The following TBC1D31 variants were observed in gnomAD, a reference collection of about 807,000 sequenced individuals.
The protein encoded by TBC1D31 is TBC1 domain family member 31, also known as WD repeat domain 67.
Under a neutral mutation model 132.9 loss-of-function variants are expected in TBC1D31, and 99 were observed. The ratio of observed to expected loss-of-function variants is 0.74; its 90% CI spans 0.63 to 0.88. TBC1D31 has a LOEUF of 0.88. TBC1D31 is among the 40% of genes least tolerant of loss of function. The pLI is 0.00. For synonymous variants in TBC1D31, 385 were observed against 419.4 expected (o/e 0.92, Z 1.00); for missense variants, 1,134 against 1,256.6 (o/e 0.90, Z 1.48).
the TBC1D31 span, among the ~76,000 whole-genome samples, chr8:123,163,929 C>T: frequency 6.6e-6 from 1 of 152,224 alleles, no homozygotes; most frequent in Non-Finnish European, 1.5e-5. Context: ...TCACCCCAGA[C>T]AGAAACTCTG....
chr8:123,073,128 T>A (rs866667228), intron 1 of TBC1D31: 3 of 537,676 alleles, frequency 5.6e-6, no homozygotes, highest in Admixed American at 2.8e-5. Context: ...ACCGGGACTC[T>A]CCTGCTTTTA....
chr8:123,087,106 A>G (rs1217453970), intron 4 of TBC1D31, among the ~76,000 whole-genome samples: 5 of 152,196 alleles, frequency 3.3e-5, no homozygotes, highest in Admixed American at 3.3e-4. Flanking sequence ...TTTCCTCTTC[A>G]AAGCTTTCTG....
chr8:123,087,498 G>A lies in TBC1D31; in HGVS notation c.519+3158G>A, dbSNP rs975581240. Among the ~76,000 whole-genome samples, 6 of 152,252 alleles carry A rather than the reference G, an allele frequency of 3.9e-5. No individual in the cohort carries two copies. In the South Asian group the frequency reaches 1.0e-3, roughly 26 times the overall value. On this transcript the variant is annotated intron_variant, in intron 4 of 21. Transcript: ENST00000287380. ...AAAGTTGTGCCAGCTTATTCATTAGGGATTTAAGCCAAATGTCTTTTCTTC... is the reference window on the plus strand; with the variant it reads ...AAAGTTGTGCCAGCTTATTCATTAGAGATTTAAGCCAAATGTCTTTTCTTC...
intron 4 of TBC1D31, among the ~76,000 whole-genome samples, chr8:123,087,605 T>C (rs889689652): frequency 6.6e-6 from 1 of 152,236 alleles, no homozygotes; most frequent in Non-Finnish European, 1.5e-5. Flanking sequence ...GAAGAGAACA[T>C]TGGGAGTTGA....
At chr8:123,152,743 T>C (rs1814912), downstream of TBC1D31, among the ~76,000 whole-genome samples, 60,900 of 151,822 alleles carry the variant, frequency 0.4, 12,948 homozygotes, top group African/African-American at 0.54. Context: ...TGGTGGCACA[T>C]GCCTGTAATC....
chr8:123,159,410 C>A, the TBC1D31 span, among the ~76,000 whole-genome samples: 1 of 151,980 alleles, frequency 6.6e-6, no homozygotes, highest in Admixed American at 6.6e-5. Flanking sequence ...ATGAAATGAG[C>A]GAAGAACACA....
At chr8:123,087,715 C>T (rs1815907822) in intron 4 of TBC1D31, among the ~76,000 whole-genome samples, 1 of 152,142 alleles carries the variant, frequency 6.6e-6, no homozygotes, top group African/African-American at 2.4e-5. Flanking sequence ...GAATAGTTGC[C>T]AACGCAAACC....
rs546238844 is a variant in TBC1D31 at position 123,132,560 on chromosome 8, C to T, written c.2407-1554C>T. 2.1e-3 allele frequency among the ~76,000 whole-genome samples: 318 copies of T among 151,624 alleles called. 2 individuals are homozygous for T. The highest frequency in any genetic ancestry group is 3.5e-3 in the Non-Finnish European group (239 of 67,846). On this transcript the variant is annotated intron_variant, in intron 16 of 21. Transcript: ENST00000287380. ...TCCTGAGCAGATGGGATTACAGGTG[C>T]CTGCCACAACACCCATCTAATTTTT...
At chr8:123,080,529 C>CTTTTTT (rs57694076) in intron 2 of TBC1D31, among the ~76,000 whole-genome samples, 1 of 76,320 alleles carries the variant, frequency 1.3e-5, no homozygotes, top group Non-Finnish European at 2.3e-5. Flanking sequence ...TTCTTTTATT[C>CTTTTTT]TTTTTTTTTT....
At chr8:123,158,478 A>G in the TBC1D31 span, among the ~76,000 whole-genome samples, 1 of 152,034 alleles carries the variant, frequency 6.6e-6, no homozygotes, top group Non-Finnish European at 1.5e-5. Context: ...CCTCCCAGGG[A>G]AAGGACGAGT....
intron 4 of TBC1D31, among the ~76,000 whole-genome samples, chr8:123,087,294 T>C (rs982749522): frequency 6.6e-6 from 1 of 152,214 alleles, no homozygotes; most frequent in African/African-American, 2.4e-5. Flanking sequence ...CAGGAGTATC[T>C]GAGTCTCTTG....
At chr8:123,120,722 G>C (rs1819394668) in intron 11 of TBC1D31, among the ~76,000 whole-genome samples, 1 of 151,882 alleles carries the variant, frequency 6.6e-6, no homozygotes, top group Non-Finnish European at 1.5e-5. Flanking sequence ...GCATAATATA[G>C]TATTTCATCT....
intron 4 of TBC1D31, among the ~76,000 whole-genome samples, chr8:123,085,330 T>G (rs1169732633): frequency 6.6e-6 from 1 of 152,232 alleles, no homozygotes; most frequent in Non-Finnish European, 1.5e-5. Context: ...TGACCACCAC[T>G]CTTACGTTTT....
intron 4 of TBC1D31, 61 bp downstream of exon 4, chr8:123,084,401 G>T: frequency 1.4e-6 from 2 of 1,449,900 alleles, no homozygotes; most frequent in Non-Finnish European, 1.9e-6. Flanking sequence ...TGGTCAACAG[G>T]ATGTATAGAT....
chr8:123,077,885 C>T (rs1586542039), intron 2 of TBC1D31, among the ~76,000 whole-genome samples: 1 of 152,026 alleles, frequency 6.6e-6, no homozygotes, highest in East Asian at 1.9e-4. Context: ...ACTGTCTCTA[C>T]TAAAATACAA....
At chr8:123,111,176 A>G (rs751882022) in intron 10 of TBC1D31, among the ~76,000 whole-genome samples, 8 of 152,054 alleles carry the variant, frequency 5.3e-5, no homozygotes, top group Non-Finnish European at 1.2e-4. Context: ...TAGGCGGATT[A>G]TAATTAATAC....
chr8:123,077,002 C>G (rs1278549373), intron 1 of TBC1D31, 109 bp from the exon 2 acceptor site: 2 of 1,029,210 alleles, frequency 1.9e-6, no homozygotes, highest in African/African-American at 3.3e-5. Flanking sequence ...ATAGCGGTAG[C>G]AGTAGGAGAG....
chr8:123,102,906 A>G (rs10956118), intron 7 of TBC1D31: 30,003 of 152,286 alleles, frequency 0.2, 3,005 homozygotes, highest in African/African-American at 0.23. Flanking sequence ...TTCTAAATAC[A>G]GGAAGGCTGT....
In TBC1D31 at chr8:123,128,395, G is replaced by A. The variant is rs1209284292; in HGVS notation, c.1999G>A (p.Val667Ile). The change falls in exon 14 of 22, where the codon GTT becomes ATT. Residue 667 changes from valine (V) to isoleucine (I), a missense_variant. Transcript: ENST00000287380. ...IHPDSMLNVF[V>I]ALTKGQYPVF... ...TCCAGACAGCATGCTTAATGTTTTT[G>A]TTGCACTGACAAAAGGGCAGTATCC... The A allele has an allele frequency of 1.2e-6, 2 of 1,613,360 alleles. No individual in the cohort carries two copies. The highest frequency in any genetic ancestry group is 1.7e-5 in the Admixed American group (1 of 59,986).
Sources: gnomAD v4.1 joint callset for allele counts (sites outside exome capture counted in the v4.1 genomes callset) on GRCh38, gnomAD v4.1.1 for gene constraint, MANE v1.5 for transcripts, NCBI Gene and HGNC (gene_info 2026-07-23, HGNC 2026-07-21) for gene names.